CSMD2: variants seen among roughly 807,000 people sequenced by gnomAD.
The protein encoded by CSMD2 is CUB and sushi domain-containing protein 2.
In CSMD2, 130 loss-of-function variants were observed where a neutral mutation model predicts 398.5. The observed-to-expected ratio is 0.33, with a 90% CI of 0.28 to 0.38. The LOEUF (loss-of-function observed/expected upper bound fraction) is 0.38, where lower values mean the gene tolerates loss of function less well. Ranked by LOEUF, CSMD2 falls within the 10% of genes least tolerant of loss-of-function variation. The pLI, the probability that CSMD2 is intolerant of heterozygous loss-of-function variation, is 1.00. For missense variants in CSMD2, 3,829 were observed against 4,764.9 expected (o/e 0.80, Z 5.78); for synonymous variants, 1,828 against 1,908.5 (o/e 0.96, Z 1.10).
chr1:33,677,334 T>C (rs933550847), intron 25 of CSMD2, among the ~76,000 whole-genome samples: 4 of 152,202 alleles, frequency 2.6e-5, no homozygotes, highest in Non-Finnish European at 4.4e-5. Flanking sequence ...AGAAGACATT[T>C]ATGCAGTCAA....
intron 33 of CSMD2, among the ~76,000 whole-genome samples, chr1:33,626,140 C>A (rs937635898): frequency 6.6e-6 from 1 of 152,194 alleles, no homozygotes; most frequent in Admixed American, 6.5e-5. Flanking sequence ...GCCTGGCAGA[C>A]AAAACCAAGC....
At position 33,928,203 on chromosome 1, in the gene CSMD2, C is replaced by T. The variant is rs144185347; in HGVS notation, c.712+7557G>A. 7.7e-3 allele frequency among the ~76,000 whole-genome samples: 1,173 copies of T among 152,298 alleles called. 8 individuals carry two copies. Among genetic ancestry groups the T allele is most frequent in the Non-Finnish European group, 0.012 (827 of 68,008 alleles). On this transcript the variant is annotated intron_variant, in intron 4 of 70. Transcript: ENST00000373381. ...CATGGCTGTTAGGCACGTGGACTTGCGCTGAATCCTGGCTCCACCACTCTC... is the reference window on the plus strand; with the variant it reads ...CATGGCTGTTAGGCACGTGGACTTGTGCTGAATCCTGGCTCCACCACTCTC...
chr1:33,629,781 C>T (rs904363095), intron 32 of CSMD2, among the ~76,000 whole-genome samples: 2 of 151,364 alleles, frequency 1.3e-5, no homozygotes, highest in East Asian at 3.9e-4. Context: ...CTCTCTCTGT[C>T]GCCCAGGCTG....
At chr1:33,629,077 A>C (rs893453089) in intron 32 of CSMD2, among the ~76,000 whole-genome samples, 7 of 152,156 alleles carry the variant, frequency 4.6e-5, no homozygotes, top group African/African-American at 1.7e-4. Context: ...AAAAAAAAAA[A>C]ACAAAACCCA....
At chr1:33,643,703 A>G (rs1290416630) in intron 29 of CSMD2, among the ~76,000 whole-genome samples, 1 of 152,188 alleles carries the variant, frequency 6.6e-6, no homozygotes, top group Non-Finnish European at 1.5e-5. Context: ...ATGGGAAAAT[A>G]TCCTCAAAGC....
intron 24 of CSMD2, among the ~76,000 whole-genome samples, 154 bp downstream of exon 24, chr1:33,698,599 G>A (rs1645499980): frequency 6.6e-6 from 1 of 152,244 alleles, no homozygotes; most frequent in Admixed American, 6.5e-5. Flanking sequence ...GAGAAGGGGT[G>A]CAGGTGAACC....
At chr1:34,073,139 C>T (rs1571008679) in intron 2 of CSMD2, among the ~76,000 whole-genome samples, 1 of 152,368 alleles carries the variant, frequency 6.6e-6, no homozygotes, top group East Asian at 1.9e-4. Flanking sequence ...CTGCACCCCT[C>T]TTCCTCTGCC....
chr1:34,076,955 A>G (rs1290457914), intron 2 of CSMD2, among the ~76,000 whole-genome samples: 1 of 133,638 alleles, frequency 7.5e-6, no homozygotes, highest in Non-Finnish European at 1.6e-5. Context: ...ATATATATAT[A>G]TAGAAGGCTT....
chr1:34,027,940 A>C (rs1191579832), intron 3 of CSMD2, among the ~76,000 whole-genome samples: 4 of 152,158 alleles, frequency 2.6e-5, no homozygotes, highest in Admixed American at 2.6e-4. Flanking sequence ...AAGTGGGGCG[A>C]GGGCTCCTGG....
chr1:33,859,462 C>T (rs764473280), intron 5 of CSMD2, among the ~76,000 whole-genome samples: 2 of 152,200 alleles, frequency 1.3e-5, no homozygotes, highest in Non-Finnish European at 2.9e-5. Flanking sequence ...CCATGTGATT[C>T]TATCAGGCCC....
Position 33,692,951 on chromosome 1 carries a change from G to A in CSMD2, c.4031C>T (p.Ala1344Val). 6.2e-7 allele frequency: 1 copy of A among 1,608,274 alleles called. No individual in the cohort carries two copies. The part of the protein sequence containing the change: ...HNLNCIWTIE[A>V]EAGCTIGLHF... ...TTACCCAATGGTGCAGCCGGCCTCT[G>A]CTTCGATGGTCCAGATGCAGTTGAG... Residue 1344 changes from alanine (A) to valine (V), a missense_variant, in exon 25 of 71, where the codon GCA becomes GTA. Coordinates refer to ENST00000373381, the MANE Select transcript of CSMD2 (RefSeq NM_001281956.2).
intron 54 of CSMD2, 104 bp from the exon 55 acceptor site, chr1:33,558,026 T>C (rs1658199395): frequency 9.6e-7 from 1 of 1,045,736 alleles, no homozygotes; most frequent in Non-Finnish European, 1.4e-6. Context: ...GGTGAGCTGG[T>C]CCCAAGGTTG....
chr1:33,918,320 G>A lies in CSMD2; in HGVS notation c.713-19C>T, dbSNP rs1643830790. On this transcript the variant is annotated intron_variant, in intron 4 of 70. Coordinates refer to ENST00000373381, the MANE Select transcript of CSMD2 (RefSeq NM_001281956.2). Reference sequence around the variant, plus strand: ...TCATCAGCTGTGGGCACAGAGAGAAGAGGCTTACATGAGTAGTCTGGTTTT... The same window carrying A: ...TCATCAGCTGTGGGCACAGAGAGAAAAGGCTTACATGAGTAGTCTGGTTTT... The A allele has an allele frequency of 6.2e-7, 1 of 1,611,472 alleles. No individual in the cohort carries two copies. Among genetic ancestry groups the A allele is most frequent in the Non-Finnish European group, 8.5e-7 (1 of 1,178,640 alleles).
chr1:33,796,373 T>C (rs903411654), intron 10 of CSMD2, among the ~76,000 whole-genome samples: 7 of 152,254 alleles, frequency 4.6e-5, no homozygotes, highest in African/African-American at 1.7e-4. Context: ...GAAGATTTCA[T>C]TTTAATATGG....
chr1:33,709,425 C>G (rs1645910164), intron 21 of CSMD2, 167 bp from the exon 22 acceptor site: 1 of 567,672 alleles, frequency 1.8e-6, no homozygotes, highest in African/African-American at 1.9e-5. Context: ...AAATGCCTCT[C>G]AAACTTAAAA....
At chr1:33,910,023 T>A (rs1643360271) in intron 5 of CSMD2, among the ~76,000 whole-genome samples, 1 of 152,194 alleles carries the variant, frequency 6.6e-6, no homozygotes, top group African/African-American at 2.4e-5. Flanking sequence ...TTGATAATCA[T>A]CAGCCCCTCC....
At chr1:34,137,474 A>T (rs1638870743) in intron 1 of CSMD2, among the ~76,000 whole-genome samples, 1 of 152,146 alleles carries the variant, frequency 6.6e-6, no homozygotes, top group Admixed American at 6.5e-5. Context: ...AGCTACCAGT[A>T]AGAGTAAACA....
At chr1:34,082,034 C>T (rs941485915) in intron 2 of CSMD2, among the ~76,000 whole-genome samples, 8 of 150,176 alleles carry the variant, frequency 5.3e-5, no homozygotes, top group African/African-American at 7.4e-5. Flanking sequence ...AAGTGAGGAG[C>T]GCCTCTTCCC....
chr1:33,755,962 C>T (rs1014655926), intron 13 of CSMD2, among the ~76,000 whole-genome samples: 1 of 151,992 alleles, frequency 6.6e-6, no homozygotes, highest in Admixed American at 6.6e-5. Flanking sequence ...ACAGGTAGAA[C>T]TTGAGCATCG....
Sources: allele counts gnomAD v4.1 joint callset (sites outside exome capture counted in the v4.1 genomes callset), GRCh38; gene constraint gnomAD v4.1.1; transcripts MANE v1.5; gene names NCBI Gene and HGNC (gene_info 2026-07-23, HGNC 2026-07-21).